The following TCF12 variants were observed in gnomAD, a reference collection of about 807,000 sequenced individuals.
TCF12 encodes DNA-binding protein HTF4.
A neutral mutation model predicts 86.0 loss-of-function variants in TCF12; 45 were observed. That is an observed-to-expected ratio of 0.52 (90% CI 0.41 to 0.67). TCF12 has a LOEUF of 0.67. Among genes scored for constraint, TCF12 ranks in the 30% least tolerant of loss-of-function variants. The pLI is 0.00. For synonymous variants in TCF12, 330 were observed against 299.6 expected (o/e 1.10, Z -1.05); for missense variants, 881 against 859.9 (o/e 1.02, Z -0.31).
chr15:57,156,457 G>A (rs1208588082), intron 5 of TCF12, among the ~76,000 whole-genome samples: 3 of 152,152 alleles, frequency 2.0e-5, no homozygotes, highest in Non-Finnish European at 2.9e-5. Context: ...GTTTCATTCC[G>A]TTGGCCTGTT....
chr15:56,992,411 T>C (rs1596002809), intron 3 of TCF12, among the ~76,000 whole-genome samples: 4 of 152,248 alleles, frequency 2.6e-5, no homozygotes, highest in African/African-American at 7.2e-5. Context: ...GTTTCTCACG[T>C]AGCAGCCAGG....
At chr15:57,193,991 T>C (rs1193559276) in intron 7 of TCF12, among the ~76,000 whole-genome samples, 3 of 152,206 alleles carry the variant, frequency 2.0e-5, no homozygotes, top group Non-Finnish European at 4.4e-5. Flanking sequence ...AATAGGAACA[T>C]TGATTGGAGT....
In TCF12 at chr15:57,154,202, G is replaced by T. The variant is rs532994451; in HGVS notation, c.326-12200G>T. Among the ~76,000 whole-genome samples, 140 of 152,190 alleles carry T rather than the reference G, an allele frequency of 9.2e-4. 1 individual carries two copies. Among genetic ancestry groups the T allele is most frequent in the African/African-American group, 3.2e-3 (134 of 41,522 alleles). On this transcript the variant is annotated intron_variant, in intron 5 of 20. Transcript: ENST00000333725. Reference sequence around the variant, plus strand: ...TTTTTTCATTCTCTGTTTTCCAGTGGTTTTTGCACATAATTTTAAGAATAG... The same window carrying T: ...TTTTTTCATTCTCTGTTTTCCAGTGTTTTTTGCACATAATTTTAAGAATAG...
intron 3 of TCF12, among the ~76,000 whole-genome samples, chr15:57,010,173 A>C (rs2064736392): frequency 6.6e-6 from 1 of 152,016 alleles, no homozygotes; most frequent in South Asian, 2.1e-4. Context: ...TTTTTAAAAA[A>C]ACTCCTTAAC....
chr15:57,076,532 A>G (rs1296149897), intron 4 of TCF12, among the ~76,000 whole-genome samples: 6 of 151,932 alleles, frequency 3.9e-5, no homozygotes, highest in Admixed American at 3.9e-4. Flanking sequence ...AGGCGCCTGT[A>G]GTCCCAGCTA....
chr15:57,172,251 T>G (rs1344389698), intron 6 of TCF12, among the ~76,000 whole-genome samples: 1 of 150,242 alleles, frequency 6.7e-6, no homozygotes, highest in African/African-American at 2.4e-5. Context: ...AAACAAAAAT[T>G]GATAGAATTA....
intron 3 of TCF12, among the ~76,000 whole-genome samples, chr15:57,007,776 T>C (rs552253741): frequency 3.3e-3 from 241 of 72,758 alleles, no homozygotes; most frequent in African/African-American, 0.011. Context: ...CTTTCTTTCT[T>C]TCTTTCTTTC....
intron 3 of TCF12, among the ~76,000 whole-genome samples, chr15:57,053,088 G>A (rs560516792): frequency 3.9e-4 from 60 of 152,092 alleles, no homozygotes; most frequent in African/African-American, 1.4e-3. Flanking sequence ...AACAATGTAC[G>A]GGGGCTCTAG....
chr15:57,055,567 A>G (rs1324264852), intron 3 of TCF12, among the ~76,000 whole-genome samples: 5 of 152,112 alleles, frequency 3.3e-5, no homozygotes, highest in African/African-American at 9.7e-5. Flanking sequence ...GAATTGGTTG[A>G]TAATTATTCT....
intron 3 of TCF12, among the ~76,000 whole-genome samples, chr15:56,937,475 C>G (rs1009096438): frequency 2.0e-5 from 3 of 151,656 alleles, no homozygotes. Context: ...TCAGGGTTTT[C>G]TAAGTGTACG....
At chr15:57,020,770 G>A (rs1358899681) in intron 3 of TCF12, among the ~76,000 whole-genome samples, 1 of 152,170 alleles carries the variant, frequency 6.6e-6, no homozygotes, top group Non-Finnish European at 1.5e-5. Flanking sequence ...GGGACTATGT[G>A]TAGGTGTAAC....
At chr15:56,999,609 C>G (rs1423909133) in intron 3 of TCF12, among the ~76,000 whole-genome samples, 1 of 152,072 alleles carries the variant, frequency 6.6e-6, no homozygotes, top group Non-Finnish European at 1.5e-5. Context: ...TGCAGTGGTT[C>G]ATGCCTGTAA....
intron 5 of TCF12, among the ~76,000 whole-genome samples, chr15:57,117,042 A>G (rs1041189146): frequency 6.6e-6 from 1 of 152,002 alleles, no homozygotes; most frequent in Non-Finnish European, 1.5e-5. Flanking sequence ...TTTGTTTATG[A>G]GGAAAAACAG....
At chr15:57,100,423 C>CTTTTTT (rs571976256) in intron 5 of TCF12, among the ~76,000 whole-genome samples, 1 of 130,848 alleles carries the variant, frequency 7.6e-6, no homozygotes, top group African/African-American at 2.8e-5. Flanking sequence ...TTCACTTCCT[C>CTTTTTT]TTTTTTTTTT....
intron 15 of TCF12, 80 bp from the exon 16 acceptor site, chr15:57,253,182 C>G (rs1313100685): frequency 2.0e-6 from 3 of 1,477,616 alleles, no homozygotes; most frequent in Non-Finnish European, 2.8e-6. Flanking sequence ...TTCCACATAT[C>G]ACATAGTAGG....
chr15:57,024,509 C>G (rs2065702411), intron 3 of TCF12, among the ~76,000 whole-genome samples: 1 of 151,880 alleles, frequency 6.6e-6, no homozygotes, highest in Non-Finnish European at 1.5e-5. Flanking sequence ...CCACTGCACC[C>G]AACCCAAAAA....
In TCF12 at chr15:56,933,444, T is replaced by C. The variant is rs535123382; in HGVS notation, c.148+12346T>C. On this transcript the variant is annotated intron_variant, in intron 3 of 20. Coordinates refer to ENST00000333725, the MANE Select transcript of TCF12 (RefSeq NM_207037.2). ...TGTTTTTTGTTCTGTGTAGAATGGT[T>C]TGTTTAAGGTAGTGGAAAATAAAGA... Among the ~76,000 whole-genome samples the C allele has an allele frequency of 3.3e-5, 5 of 152,248 alleles. No homozygotes were observed. In the East Asian group the frequency reaches 9.6e-4, roughly 29 times the overall value.
At chr15:56,971,972 A>G (rs1285712361) in intron 3 of TCF12, among the ~76,000 whole-genome samples, 3 of 152,250 alleles carry the variant, frequency 2.0e-5, no homozygotes, top group Non-Finnish European at 2.9e-5. Context: ...TAATGAAAAT[A>G]TTATAAAATT....
chr15:57,029,915 T>C (rs1567284223), intron 3 of TCF12, among the ~76,000 whole-genome samples: 1 of 152,236 alleles, frequency 6.6e-6, no homozygotes, highest in Non-Finnish European at 1.5e-5. Context: ...CAGTAGTTTC[T>C]TTTCTTTTAT....
Sources: gnomAD v4.1 joint callset for allele counts (sites outside exome capture counted in the v4.1 genomes callset) on GRCh38, gnomAD v4.1.1 for gene constraint, MANE v1.5 for transcripts, NCBI Gene and HGNC (gene_info 2026-07-23, HGNC 2026-07-21) for gene names.